SH3GL2: variants seen among roughly 807,000 people sequenced by gnomAD.
The protein encoded by SH3GL2 is SH3 domain containing GRB2 like 2, endophilin A1, also known as endophilin-A1.
SH3GL2 carries 24 observed loss-of-function variants against 46.0 expected under a neutral mutation model. The ratio of observed to expected loss-of-function variants is 0.52; its 90% confidence interval spans 0.38 to 0.73. SH3GL2 has a LOEUF of 0.73. Among genes scored for constraint, SH3GL2 ranks in the 30% least tolerant of loss-of-function variants. The pLI is 0.00. For missense variants in SH3GL2, 413 were observed against 424.2 expected (o/e 0.97, Z 0.23); for synonymous variants, 196 against 147.1 (o/e 1.33, Z -2.40).
At chr9:17,618,332 T>G (rs576409170) in intron 1 of SH3GL2, among the ~76,000 whole-genome samples, 2 of 152,304 alleles carry the variant, frequency 1.3e-5, no homozygotes, top group East Asian at 3.9e-4. Context: ...TATACCCTTC[T>G]CTAATGGGAT....
chr9:17,753,560 G>A (rs1344871656), intron 2 of SH3GL2, among the ~76,000 whole-genome samples: 1 of 152,124 alleles, frequency 6.6e-6, no homozygotes, highest in Non-Finnish European at 1.5e-5. Flanking sequence ...GTTCCTTATA[G>A]ATGCTGGATA....
intron 7 of SH3GL2, among the ~76,000 whole-genome samples, chr9:17,792,353 T>G (rs188816565): frequency 3.3e-5 from 5 of 152,370 alleles, no homozygotes; most frequent in Admixed American, 2.0e-4. Flanking sequence ...TTGTAATGTC[T>G]CTTGAGCATG....
At chr9:17,705,254 A>G (rs2182088) in intron 1 of SH3GL2, among the ~76,000 whole-genome samples, 35,494 of 151,970 alleles carry the variant, frequency 0.23, 4,931 homozygotes, top group African/African-American at 0.35. Flanking sequence ...AGATGTTGGC[A>G]AGATTGCAGA....
At chr9:17,687,324 C>A (rs1820944392) in intron 1 of SH3GL2, among the ~76,000 whole-genome samples, 1 of 152,062 alleles carries the variant, frequency 6.6e-6, no homozygotes, top group Non-Finnish European at 1.5e-5. Context: ...GTGACTTCAT[C>A]TGCAAGTGAA....
intron 8 of SH3GL2, 65 bp downstream of exon 8, chr9:17,793,562 A>C: frequency 6.6e-7 from 1 of 1,503,802 alleles, no homozygotes; most frequent in Non-Finnish European, 9.1e-7. Flanking sequence ...CTCTTCCAGA[A>C]ATTTTAGGAA....
chr9:17,745,662 T>C (rs1408919823), intron 1 of SH3GL2, among the ~76,000 whole-genome samples: 5 of 146,366 alleles, frequency 3.4e-5, no homozygotes, highest in Admixed American at 3.4e-4. Context: ...GAAGGACAGA[T>C]AGAGGGGGTA....
intron 3 of SH3GL2, 147 bp from the exon 4 acceptor site, chr9:17,786,234 C>T (rs953662367): frequency 5.9e-5 from 38 of 642,338 alleles, no homozygotes; most frequent in South Asian, 2.8e-4. Context: ...GACTGACTGA[C>T]GGAGAGAACA....
At position 17,652,836 on chromosome 9, in the gene SH3GL2, A is replaced by G. The variant is rs190038039; in HGVS notation, c.45+73549A>G. Among the ~76,000 whole-genome samples the G allele has an allele frequency of 9.6e-4, 146 of 152,320 alleles. 1 individual carries two copies. The highest frequency in any genetic ancestry group is 4.8e-3 in the East Asian group (25 of 5,184). On this transcript the variant is annotated intron_variant, in intron 1 of 8. Transcript: ENST00000380607. ...TGAAAATAGTTGAATTTGTTATTCT[A>G]GTAGATCTGTTACTTACTTCCTTCT...
At chr9:17,795,100 C>T (rs1282606580) in intron 8 of SH3GL2, among the ~76,000 whole-genome samples, 1 of 152,150 alleles carries the variant, frequency 6.6e-6, no homozygotes, top group Non-Finnish European at 1.5e-5. Context: ...ATGTAATTCA[C>T]CATACTTTTT....
chr9:17,659,534 A>G (rs1422130198), intron 1 of SH3GL2, among the ~76,000 whole-genome samples: 3 of 152,192 alleles, frequency 2.0e-5, no homozygotes, highest in Non-Finnish European at 4.4e-5. Flanking sequence ...CTAGGAAAAT[A>G]GTTAAACTCT....
intron 1 of SH3GL2, among the ~76,000 whole-genome samples, chr9:17,679,663 A>C (rs555926233): frequency 6.6e-6 from 1 of 152,194 alleles, no homozygotes; most frequent in African/African-American, 2.4e-5. Flanking sequence ...TTTCAACACT[A>C]TGTTGAATAG....
chr9:17,623,005 C>CCTTT (rs1819184544), intron 1 of SH3GL2, among the ~76,000 whole-genome samples: 1 of 95,698 alleles, frequency 1.0e-5, no homozygotes, highest in African/African-American at 4.2e-5. Context: ...CCTTTCCTTT[C>CCTTT]CTTTCCTTTC....
intron 1 of SH3GL2, among the ~76,000 whole-genome samples, chr9:17,688,183 T>C (rs1820974448): frequency 6.6e-6 from 1 of 152,086 alleles, no homozygotes; most frequent in African/African-American, 2.4e-5. Context: ...TGTACCAAGA[T>C]TATCTGGTTC....
At chr9:17,594,512 G>C (rs1264144454) in intron 1 of SH3GL2, among the ~76,000 whole-genome samples, 1 of 152,050 alleles carries the variant, frequency 6.6e-6, no homozygotes, top group Non-Finnish European at 1.5e-5. Context: ...AGAGCATCAG[G>C]ACAAATGGCT....
chr9:17,677,795 A>G (rs901993221), intron 1 of SH3GL2, among the ~76,000 whole-genome samples: 4 of 150,904 alleles, frequency 2.7e-5, no homozygotes, highest in African/African-American at 9.8e-5. Flanking sequence ...CCACCCCACA[A>G]CAGGCCCCCG....
At chr9:17,599,411 C>T (rs1588164441) in intron 1 of SH3GL2, among the ~76,000 whole-genome samples, 1 of 152,184 alleles carries the variant, frequency 6.6e-6, no homozygotes, top group African/African-American at 2.4e-5. Flanking sequence ...GGCAAGGGTA[C>T]AGTGCCAAAT....
chr9:17,672,929 T>TTAA (rs1325679230), intron 1 of SH3GL2, among the ~76,000 whole-genome samples: 5 of 152,150 alleles, frequency 3.3e-5, no homozygotes, highest in African/African-American at 1.2e-4. Context: ...CTAAAGTGAA[T>TTAA]TAATCTCTTA....
intron 1 of SH3GL2, among the ~76,000 whole-genome samples, chr9:17,612,434 AAG>A (rs1818888905): frequency 6.6e-6 from 1 of 152,136 alleles, no homozygotes; most frequent in Non-Finnish European, 1.5e-5. Flanking sequence ...TCTCAGACCT[AAG>A]AGTCATAATT....
rs150944168 is a variant in SH3GL2 at position 17,767,292 on chromosome 9, A to G, written c.187+5783A>G. 1.7e-4 allele frequency among the ~76,000 whole-genome samples: 26 copies of G among 152,310 alleles called. 1 individual carries two copies. In the East Asian group the frequency reaches 4.6e-3, roughly 27 times the overall value. On this transcript the variant is annotated intron_variant, in intron 3 of 8. Coordinates refer to ENST00000380607, the MANE Select transcript of SH3GL2 (RefSeq NM_003026.5). ...GAATTTTTTAATAATTTCAAATCTC[A>G]TTTGTGAAATATTGCCTGTGGAAAT...
Sources: allele counts gnomAD v4.1 joint callset (sites outside exome capture counted in the v4.1 genomes callset), GRCh38; gene constraint gnomAD v4.1.1; transcripts MANE v1.5; gene names NCBI Gene and HGNC (gene_info 2026-07-23, HGNC 2026-07-21).